The following IRS4 variants were observed in gnomAD, a reference collection of about 807,000 sequenced individuals.
IRS4 encodes the protein 160 kDa phosphotyrosine protein.
A neutral mutation model predicts 48.6 loss-of-function variants in IRS4; 15 were observed. The observed-to-expected ratio is 0.31, with a 90% CI of 0.21 to 0.48. IRS4 has a LOEUF of 0.48. Among genes scored for constraint, IRS4 ranks in the 20% least tolerant of loss-of-function variants. The pLI is 0.99. For missense variants in IRS4, 987 were observed against 1,023.4 expected (o/e 0.96, Z 0.49); for synonymous variants, 459 against 413.2 (o/e 1.11, Z -1.34).
chrX:108,723,725 T>C (rs1234446010), intron 1 of IRS4: 3 of 111,957 alleles, frequency 2.7e-5, no homozygotes, highest in Non-Finnish European at 5.6e-5. Flanking sequence ...AACTACACTC[T>C]AGCCTGGGTG....
intron 1 of IRS4, chrX:108,726,218 C>G (rs991860635): frequency 6.2e-5 from 7 of 112,291 alleles, no homozygotes; most frequent in African/African-American, 2.3e-4. Context: ...ATAGCTTTGT[C>G]TAGATATGCC....
At chrX:108,729,204 C>A (rs2068887774) in intron 1 of IRS4, among the ~76,000 whole-genome samples, 1 of 110,371 alleles carries the variant, frequency 9.1e-6, no homozygotes. Flanking sequence ...CTGATAGCAA[C>A]AAGTTTGGCA....
At chrX:108,731,933 ACATTC>A (rs971042827) in intron 1 of IRS4, among the ~76,000 whole-genome samples, 19 of 111,812 alleles carry the variant, frequency 1.7e-4, no homozygotes, top group African/African-American at 6.2e-4. Context: ...ACACACAAAC[ACATTC>A]CAGAGCCAAA....
Position 108,735,041 on chromosome X carries a change from C to T in IRS4, c.1304G>A (p.Arg435His), listed in dbSNP as rs1360136518. The change falls in exon 1 of 2, where the codon CGC (arginine) becomes CAC (histidine). Residue 435 changes from arginine (R) to histidine (H), a missense_variant. Arg to His is a conservative substitution (Grantham distance 29). Coordinates refer to ENST00000372129, the MANE Select transcript of IRS4 (RefSeq NM_001379150.1). ...GGGACGTGCTGGGCTGGGTGCTAAGCGGCGAAAAAAGCTGGCCGGCACTGA... is the reference window on the plus strand; with the variant it reads ...GGGACGTGCTGGGCTGGGTGCTAAGTGGCGAAAAAAGCTGGCCGGCACTGA... The part of the protein sequence containing the change: ...AVSVPASFFR[R>H]LAPSPARPRH... 4 of 1,210,009 alleles carry T rather than the reference C, an allele frequency of 3.3e-6. No homozygotes were observed. In the Admixed American group the frequency reaches 8.7e-5, roughly 26 times the overall value.
At position 108,721,032 on chromosome X, in the gene IRS4, T is replaced by C. The variant is rs1210030419; in HGVS notation, c.*1487A>G. ...AGATAAATATTACACTACTTCAAAG[T>C]TGCACATTAAATGCGAAGCAAATTT... On this transcript the variant is annotated 3_prime_UTR_variant, in exon 2 of 2. Transcript: ENST00000372129. 1.8e-5 allele frequency: 2 copies of C among 113,161 alleles called. No homozygotes were observed. The highest frequency in any genetic ancestry group is 6.4e-5 in the African/African-American group (2 of 31,182). The allele number at this position is 113,161 out of a possible 1,213,427, so 9.3% of individuals were successfully genotyped here. A position where few individuals can be genotyped will look rare whatever the true frequency, so the allele number is the denominator to read the frequency against.
chrX:108,726,153 C>T (rs1340563208), intron 1 of IRS4: 2 of 112,510 alleles, frequency 1.8e-5, no homozygotes, highest in Admixed American at 9.4e-5. Context: ...TTAGTTGAAA[C>T]TCAGAATAAA....
At position 108,732,872 on chromosome X, in the gene IRS4, G is replaced by A. The variant is rs184682122; in HGVS notation, c.3473C>T (p.Ala1158Val). 124 of 1,167,871 alleles carry A rather than the reference G, an allele frequency of 1.1e-4. No homozygotes were observed. In the East Asian group the frequency reaches 3.7e-3, roughly 35 times the overall value. The change falls in exon 1 of 2, where the codon GCC becomes GTC. Residue 1158 changes from alanine (A) to valine (V), a missense_variant. Around this residue, in one of 4 missense-constraint regions of IRS4, gnomAD observed 720 missense variants for 660.3 expected, o/e 1.09. Transcript: ENST00000372129. ...AACAGGTTGAAACCAGCGGGCAGAG[G>A]CGGAGTCAAATCCAGCAGCTGCGGC... ...AAAAAAGFDS[A>V]SARWFQPVAN...
intron 1 of IRS4, among the ~76,000 whole-genome samples, chrX:108,731,001 A>G (rs2068899297): frequency 9.0e-6 from 1 of 111,524 alleles, no homozygotes. Flanking sequence ...TATATTTTAA[A>G]CGTATGATTA....
In IRS4 at chrX:108,735,961, T is replaced by A. The variant is rs771910893; in HGVS notation, c.384A>T (p.Ala128=). The change falls in exon 1 of 2, where the codon GCA becomes GCT. Residue 128 remains alanine (A), a synonymous_variant. Coordinates refer to ENST00000372129, the MANE Select transcript of IRS4 (RefSeq NM_001379150.1). ...CGGCGCCAGAGGCGGCCGCCGCTGC[T>A]GCAGCCGCCGCGGCGCGGACACTGT... The part of the protein sequence containing the change: ...FRHSVRAAAA[A]AAAAASGAAI... 2.8e-5 allele frequency: 34 copies of A among 1,205,244 alleles called. No homozygotes were observed. In the Admixed American group the frequency reaches 6.6e-4, roughly 23 times the overall value.
chrX:108,728,706 C>T (rs1272729549), intron 1 of IRS4, among the ~76,000 whole-genome samples: 1 of 111,894 alleles, frequency 8.9e-6, no homozygotes, highest in African/African-American at 3.2e-5. Context: ...ATAAACTATT[C>T]CTTAGTTCTC....
In IRS4 at chrX:108,735,350, C is replaced by T. The variant is rs2068941101; in HGVS notation, c.995G>A (p.Cys332Tyr). ...ELFLEKMRAL[C>Y]ADEYRARCRS... ...GCAGCGGGCTCTGTATTCGTCTGCA[C>T]ACAAGGCTCTCATCTTCTCCAAAAA... Residue 332 changes from cysteine (C) to tyrosine (Y), a missense_variant, in exon 1 of 2, where the codon TGT becomes TAT. Cys to Tyr is a radical substitution (Grantham distance 194). This residue lies in a region of IRS4 where 74 missense variants were observed against 100.4 expected (regional missense o/e 0.74). Transcript: ENST00000372129. 8.3e-7 allele frequency: 1 copy of T among 1,211,534 alleles called. No homozygotes were observed. Among genetic ancestry groups the T allele is most frequent in the Non-Finnish European group, 1.1e-6 (1 of 895,506 alleles).
At chrX:108,723,183 T>C (rs1429605843) in intron 1 of IRS4, 1 of 111,963 alleles carries the variant, frequency 8.9e-6, no homozygotes, top group Non-Finnish European at 1.9e-5. Context: ...AAATTGATTA[T>C]GGGATGCCAG....
intron 1 of IRS4, 92 bp downstream of exon 1, chrX:108,732,487 G>A: frequency 1.7e-6 from 2 of 1,191,222 alleles, no homozygotes; most frequent in Non-Finnish European, 2.3e-6. Flanking sequence ...ACCAGTTAAT[G>A]AAATAGTATC....
Position 108,734,294 on chromosome X carries a change from C to T in IRS4, c.2051G>A (p.Arg684Gln). 5 of 1,211,085 alleles carry T rather than the reference C, an allele frequency of 4.1e-6. No individual in the cohort carries two copies. Among genetic ancestry groups the T allele is most frequent in the Non-Finnish European group, 4.5e-6 (4 of 895,387 alleles). Reference protein sequence around the residue: ...KDAEIPEGAARGPHRARAFDE... With the variant: ...KDAEIPEGAAQGPHRARAFDE... ...AAAAGCTCTGGCTCTGTGGGGACCTCGAGCTGCACCTTCTGGGATCTCTGC... is the reference window on the plus strand; with the variant it reads ...AAAAGCTCTGGCTCTGTGGGGACCTTGAGCTGCACCTTCTGGGATCTCTGC... Residue 684 changes from arginine to glutamine, a missense_variant, in exon 1 of 2, where the codon CGA becomes CAA. Around this residue, in one of 4 missense-constraint regions of IRS4, gnomAD observed 720 missense variants for 660.3 expected, o/e 1.09. Transcript: ENST00000372129.
intron 1 of IRS4, among the ~76,000 whole-genome samples, chrX:108,730,663 A>G (rs1275566496): frequency 8.9e-6 from 1 of 112,062 alleles, no homozygotes; most frequent in African/African-American, 3.2e-5. Flanking sequence ...CAAAATAGCT[A>G]CAAAGTCATA....
chrX:108,736,110 C>T lies in IRS4; in HGVS notation c.235G>A (p.Val79Ile), dbSNP rs781594921. ...TTCCGCAGGTAGCCGCGTTTGCAGA[C>T]TTCCTCCCCGACGGGCAGGTCCTCC... The part of the protein sequence containing the change: ...EEEDLPVGEE[V>I]CKRGYLRKQK... The change falls in exon 1 of 2, where the codon GTC becomes ATC. Residue 79 changes from valine (V) to isoleucine (I), a missense_variant. Val to Ile is a conservative substitution (Grantham distance 29, BLOSUM62 3). Coordinates refer to ENST00000372129, the MANE Select transcript of IRS4 (RefSeq NM_001379150.1). The T allele has an allele frequency of 1.7e-6, 2 of 1,210,971 alleles. 1 individual carries two copies. The highest frequency in any genetic ancestry group is 2.2e-6 in the Non-Finnish European group (2 of 895,429).
At chrX:108,724,874 T>C (rs887298146) in intron 1 of IRS4, 2 of 111,718 alleles carry the variant, frequency 1.8e-5, no homozygotes, top group African/African-American at 3.3e-5. Context: ...AACAAGTTAA[T>C]TTCACCCTTT....
chrX:108,731,962 T>G (rs1385490478), intron 1 of IRS4, among the ~76,000 whole-genome samples: 2 of 112,200 alleles, frequency 1.8e-5, no homozygotes, highest in African/African-American at 6.5e-5. Flanking sequence ...TGTCTTCTTT[T>G]AATCACCTCC....
chrX:108,735,620 C>G lies in IRS4; in HGVS notation c.725G>C (p.Arg242Thr). The change falls in exon 1 of 2, where the codon AGG (arginine) becomes ACG (threonine). Residue 242 changes from arginine (R) to threonine (T), a missense_variant. Around this residue, in one of 4 missense-constraint regions of IRS4, gnomAD observed 20 missense variants for 53.9 expected, o/e 0.37. Coordinates refer to ENST00000372129, the MANE Select transcript of IRS4 (RefSeq NM_001379150.1). ...KDVWQVIVKP[R>T]GLGHRKELSG... ...CAGCTCTTTTCTGTGCCCCAGCCCCCTGGGTTTGACTATTACCTGCCACAC... is the reference window on the plus strand; with the variant it reads ...CAGCTCTTTTCTGTGCCCCAGCCCCGTGGGTTTGACTATTACCTGCCACAC... 1 of 1,208,322 alleles carries G rather than the reference C, an allele frequency of 8.3e-7. No individual in the cohort carries two copies. The highest frequency in any genetic ancestry group is 1.1e-6 in the Non-Finnish European group (1 of 894,694).
Sources: gnomAD v4.1 joint callset for allele counts (sites outside exome capture counted in the v4.1 genomes callset) on GRCh38, gnomAD v4.1.1 for gene constraint, gnomAD v4.1.1 regional missense constraint, MANE v1.5 for transcripts, NCBI Gene and HGNC (gene_info 2026-07-23, HGNC 2026-07-21) for gene names.